Variants in RAPGEF4 observed in about 807,000 individuals in gnomAD.
The protein encoded by RAPGEF4 is RAP guanine-nucleotide-exchange factor (GEF) 4.
In RAPGEF4, 66 loss-of-function variants were observed where a neutral mutation model predicts 147.9. The ratio of observed to expected loss-of-function variants is 0.45; its 90% CI spans 0.37 to 0.55. The LOEUF is 0.55. Among genes scored for constraint, RAPGEF4 ranks in the 20% least tolerant of loss-of-function variants. The pLI is 0.00. For synonymous variants in RAPGEF4, 419 were observed against 442.7 expected, an observed-to-expected ratio of 0.95 and a Z score of 0.67; for missense variants, 1,071 against 1,257.3, an observed-to-expected ratio of 0.85 and a Z score of 2.24.
chr2:172,926,350 T>C (rs1013984728), intron 6 of RAPGEF4, among the ~76,000 whole-genome samples: 3 of 152,220 alleles, frequency 2.0e-5, no homozygotes, highest in African/African-American at 4.8e-5. Context: ...TGGCTACTTA[T>C]GCAGATTGTG....
intron 29 of RAPGEF4, among the ~76,000 whole-genome samples, chr2:173,038,406 G>A (rs1484352291): frequency 6.6e-6 from 1 of 152,232 alleles, no homozygotes; most frequent in African/African-American, 2.4e-5. Context: ...CATGTGCACA[G>A]AGATGTAGAA....
In RAPGEF4 at chr2:172,797,626, AT is replaced by A. The variant is rs779096399; in HGVS notation, c.297+20del. 5 of 1,591,204 alleles carry A rather than the reference AT, an allele frequency of 3.1e-6. No individual in the cohort carries two copies. The highest frequency in any genetic ancestry group is 1.3e-5 in the African/African-American group (1 of 74,140). ...CAGCAGTCACCAGGTAATATGGTCT[AT>A]TTTTTTGAAAGTAGGATTTATTTTT... On this transcript the variant is annotated intron_variant, in intron 3 of 30. Coordinates refer to ENST00000397081, the MANE Select transcript of RAPGEF4 (RefSeq NM_007023.4).
At position 172,967,371 on chromosome 2, in the gene RAPGEF4, G is replaced by C; in HGVS notation, c.931G>C (p.Glu311Gln). The change falls in exon 10 of 31, where the codon GAG becomes CAG. Residue 311 changes from glutamate to glutamine, a missense_variant. Coordinates refer to ENST00000397081, the MANE Select transcript of RAPGEF4 (RefSeq NM_007023.4). ...GGAGGAGAAGAAGGAGTGTGATGAG[G>C]AGCTCCAGGACACCATGCTGCTGCT... ...TEEEKKECDEELQDTMLLLSQ... is the reference protein window; with the variant it reads ...TEEEKKECDEQLQDTMLLLSQ... 3 of 1,612,048 alleles carry C rather than the reference G, an allele frequency of 1.9e-6. No individual in the cohort carries two copies. The highest frequency in any genetic ancestry group is 2.5e-6 in the Non-Finnish European group (3 of 1,179,832).
chr2:172,858,604 G>A (rs1015462458), intron 4 of RAPGEF4, among the ~76,000 whole-genome samples: 1 of 152,240 alleles, frequency 6.6e-6, no homozygotes. Flanking sequence ...TAAAGATTTG[G>A]CTTTCAGCCT....
chr2:172,759,100 A>T (rs755846986), intron 1 of RAPGEF4, among the ~76,000 whole-genome samples: 1 of 151,466 alleles, frequency 6.6e-6, no homozygotes, highest in East Asian at 1.9e-4. Context: ...TGTTGACAAA[A>T]CATCAGGAAG....
intron 1 of RAPGEF4, among the ~76,000 whole-genome samples, chr2:172,773,914 G>A (rs1007357769): frequency 6.6e-6 from 1 of 152,158 alleles, no homozygotes; most frequent in African/African-American, 2.4e-5. Flanking sequence ...GAGAGGATCT[G>A]CAGAGAAGTG....
intron 26 of RAPGEF4, among the ~76,000 whole-genome samples, chr2:173,033,074 T>C (rs1162943644): frequency 6.6e-6 from 1 of 152,238 alleles, no homozygotes; most frequent in Non-Finnish European, 1.5e-5. Flanking sequence ...GATGATTCAG[T>C]ATTGATCTAT....
intron 26 of RAPGEF4, among the ~76,000 whole-genome samples, chr2:173,032,688 A>G (rs1575568586): frequency 2.0e-5 from 3 of 152,186 alleles, no homozygotes; most frequent in South Asian, 4.1e-4. Context: ...CCCTAACTTG[A>G]AATGCCAGAA....
At chr2:172,970,257 T>C (rs1690326124) in intron 10 of RAPGEF4, among the ~76,000 whole-genome samples, 1 of 151,786 alleles carries the variant, frequency 6.6e-6, no homozygotes, top group Non-Finnish European at 1.5e-5. Flanking sequence ...ACAAGCTTAG[T>C]TGATCAAGAA....
chr2:172,896,750 C>T (rs973625784), intron 4 of RAPGEF4, among the ~76,000 whole-genome samples: 1 of 152,192 alleles, frequency 6.6e-6, no homozygotes, highest in Non-Finnish European at 1.5e-5. Flanking sequence ...CAAACAAAGA[C>T]AAGCTTGTTG....
At chr2:172,870,244 GTACACTA>G (rs1191503826) in intron 4 of RAPGEF4, among the ~76,000 whole-genome samples, 1 of 152,066 alleles carries the variant, frequency 6.6e-6, no homozygotes, top group Non-Finnish European at 1.5e-5. Flanking sequence ...TCATGACCCG[GTACACTA>G]TACTGTATGA....
chr2:172,900,045 G>A (rs540959135), intron 4 of RAPGEF4, among the ~76,000 whole-genome samples: 1 of 152,300 alleles, frequency 6.6e-6, no homozygotes, highest in South Asian at 2.1e-4. Context: ...GATAGCTCTA[G>A]ACCTTCCCTG....
intron 29 of RAPGEF4, among the ~76,000 whole-genome samples, chr2:173,044,264 C>T (rs1306464896): frequency 8.7e-6 from 1 of 115,434 alleles, no homozygotes; most frequent in Admixed American, 1.2e-4. Flanking sequence ...ACTGTCATGG[C>T]GCCGGGGGGC....
At chr2:172,912,752 C>G (rs1575213919) in intron 4 of RAPGEF4, among the ~76,000 whole-genome samples, 2 of 152,166 alleles carry the variant, frequency 1.3e-5, no homozygotes, top group African/African-American at 4.8e-5. Flanking sequence ...CTAGAAGCCT[C>G]TTTGGCTAGA....
At chr2:173,027,434 T>G (rs1696771441) in intron 25 of RAPGEF4, among the ~76,000 whole-genome samples, 175 bp downstream of exon 25, 1 of 152,090 alleles carries the variant, frequency 6.6e-6, no homozygotes, top group Non-Finnish European at 1.5e-5. Flanking sequence ...TTTTGTAGCA[T>G]TTAACATCAA....
chr2:172,936,135 G>A (rs571486796), intron 6 of RAPGEF4, among the ~76,000 whole-genome samples: 1 of 152,224 alleles, frequency 6.6e-6, no homozygotes, highest in South Asian at 2.1e-4. Context: ...TTGGGAGGCC[G>A]AGGTGGGTGG....
chr2:173,043,410 G>A (rs966968303), intron 29 of RAPGEF4, among the ~76,000 whole-genome samples: 3 of 152,240 alleles, frequency 2.0e-5, no homozygotes, highest in Non-Finnish European at 4.4e-5. Flanking sequence ...GATCTGAGCA[G>A]AGGCAGAATA....
intron 4 of RAPGEF4, among the ~76,000 whole-genome samples, chr2:172,879,111 G>GT (rs748443560): frequency 3.3e-5 from 5 of 152,270 alleles, no homozygotes; most frequent in Non-Finnish European, 7.4e-5. Flanking sequence ...ATAAGGGCCT[G>GT]TTTTTGGTAG....
intron 4 of RAPGEF4, among the ~76,000 whole-genome samples, chr2:172,916,259 T>G (rs547562813): frequency 6.6e-6 from 1 of 152,264 alleles, no homozygotes; most frequent in East Asian, 1.9e-4. Context: ...ACCCGTCACA[T>G]CCAAGACAAT....
Sources: allele counts gnomAD v4.1 joint callset (sites outside exome capture counted in the v4.1 genomes callset), GRCh38; gene constraint gnomAD v4.1.1; transcripts MANE v1.5; gene names NCBI Gene and HGNC (gene_info 2026-07-23, HGNC 2026-07-21).